Variants in SORCS1 observed in about 807,000 individuals in gnomAD.
The protein encoded by SORCS1 is VPS10 domain-containing receptor SorCS1.
Under a neutral mutation model 146.1 loss-of-function variants are expected in SORCS1, and 60 were observed. The ratio of observed to expected loss-of-function variants is 0.41; its 90% confidence interval spans 0.33 to 0.51. SORCS1 has a LOEUF of 0.51. Among genes scored for constraint, SORCS1 ranks in the 20% least tolerant of loss-of-function variants. SORCS1 has a pLI of 0.21. For missense variants in SORCS1, 1,352 were observed against 1,487.6 expected, an observed-to-expected ratio of 0.91 and a Z score of 1.50; for synonymous variants, 637 against 584.0, an observed-to-expected ratio of 1.09 and a Z score of -1.31.
At chr10:106,718,014 A>G (rs1016602663) in intron 6 of SORCS1, among the ~76,000 whole-genome samples, 1 of 152,178 alleles carries the variant, frequency 6.6e-6, no homozygotes, top group Non-Finnish European at 1.5e-5. Context: ...TATTCAGACT[A>G]TGTTATAGAG....
chr10:106,599,749 A>ATTTCTTTC (rs563990714), intron 23 of SORCS1, among the ~76,000 whole-genome samples: 2 of 151,036 alleles, frequency 1.3e-5, no homozygotes, highest in Non-Finnish European at 3.0e-5. Flanking sequence ...GTGAAGCCAT[A>ATTTCTTTC]TTTCTTTCTT....
Position 106,792,510 on chromosome 10 carries a change from G to A in SORCS1, c.727-15818C>T, listed in dbSNP as rs541975752. On this transcript the variant is annotated intron_variant, in intron 3 of 25. Transcript: ENST00000263054. Reference sequence around the variant, plus strand: ...CTGGAAATTGAAACAAACCTCAAGAGAGTGAAATTAGGCATGGAGAGACAT... The same window carrying A: ...CTGGAAATTGAAACAAACCTCAAGAAAGTGAAATTAGGCATGGAGAGACAT... Among the ~76,000 whole-genome samples, 29 of 152,332 alleles carry A rather than the reference G, an allele frequency of 1.9e-4. 1 individual carries two copies. In the South Asian group the frequency reaches 5.4e-3, roughly 28 times the overall value.
intron 3 of SORCS1, among the ~76,000 whole-genome samples, chr10:106,793,982 G>C (rs975261736): frequency 6.6e-6 from 1 of 152,118 alleles, no homozygotes; most frequent in African/African-American, 2.4e-5. Flanking sequence ...CTGCCACAAA[G>C]GAAACCATCA....
chr10:106,928,374 G>T (rs1249411384), intron 2 of SORCS1, among the ~76,000 whole-genome samples: 1 of 152,212 alleles, frequency 6.6e-6, no homozygotes, highest in Non-Finnish European at 1.5e-5. Flanking sequence ...GCCAGGGGCC[G>T]GCAGGCTGCT....
At chr10:106,983,108 TTATATA>T (rs142010793) in intron 1 of SORCS1, among the ~76,000 whole-genome samples, 2 of 147,318 alleles carry the variant, frequency 1.4e-5, no homozygotes, top group Admixed American at 1.4e-4. Flanking sequence ...TCAGAGGAGG[TTATATA>T]TATATATATT....
intron 1 of SORCS1, among the ~76,000 whole-genome samples, chr10:107,020,370 A>G (rs2133864194): frequency 6.6e-6 from 1 of 152,356 alleles, no homozygotes; most frequent in South Asian, 2.1e-4. Flanking sequence ...GTTATCTGGA[A>G]TATCTGTCCT....
At chr10:106,986,676 ATTCT>A (rs986859579) in intron 1 of SORCS1, among the ~76,000 whole-genome samples, 10 of 141,798 alleles carry the variant, frequency 7.1e-5, no homozygotes, top group African/African-American at 1.5e-4. Context: ...TTTGAGACTT[ATTCT>A]TTCTTTTTCC....
At chr10:106,844,294 G>C (rs1949207864) in intron 2 of SORCS1, among the ~76,000 whole-genome samples, 1 of 151,792 alleles carries the variant, frequency 6.6e-6, no homozygotes, top group African/African-American at 2.4e-5. Flanking sequence ...TTGTTTCTTT[G>C]CTATGCAGAA....
chr10:106,686,749 C>A (rs1217958433), intron 10 of SORCS1, among the ~76,000 whole-genome samples: 5 of 152,192 alleles, frequency 3.3e-5, no homozygotes, highest in Admixed American at 3.3e-4. Context: ...ACAGTGACAA[C>A]TGTGATATCC....
At chr10:107,104,796 CAG>C (rs929637996) in intron 1 of SORCS1, among the ~76,000 whole-genome samples, 17 of 152,172 alleles carry the variant, frequency 1.1e-4, no homozygotes, top group African/African-American at 3.6e-4. Context: ...TTATCTTTTT[CAG>C]AGACACGTGA....
In SORCS1 at chr10:106,767,071, G is replaced by C. The variant is rs552681536; in HGVS notation, c.886-5410C>G. The stretch of plus-strand genomic sequence containing the variant: ...GGGCTACAAAGAGAGCCTGGAACCA[G>C]GCTGGGTAGGTGCAATCTTACCAAT... On this transcript the variant is annotated intron_variant, in intron 4 of 25. Coordinates refer to ENST00000263054, the MANE Select transcript of SORCS1 (RefSeq NM_052918.5). Among the ~76,000 whole-genome samples, 6 of 152,292 alleles carry C rather than the reference G, an allele frequency of 3.9e-5. No individual in the cohort carries two copies. The South Asian group carries it at 1.0e-3, about 26-fold the overall frequency.
At chr10:107,012,441 A>G (rs1957732662) in intron 1 of SORCS1, among the ~76,000 whole-genome samples, 1 of 152,220 alleles carries the variant, frequency 6.6e-6, no homozygotes, top group South Asian at 2.1e-4. Context: ...AGTGTTTGAT[A>G]ATAAATAATA....
intron 1 of SORCS1, among the ~76,000 whole-genome samples, chr10:107,112,737 T>C (rs941127826): frequency 3.9e-5 from 6 of 152,216 alleles, no homozygotes; most frequent in Non-Finnish European, 8.8e-5. Context: ...GTGGCTATAC[T>C]TATATCAGAC....
chr10:107,068,837 T>G (rs1962154500), intron 1 of SORCS1, among the ~76,000 whole-genome samples: 1 of 140,520 alleles, frequency 7.1e-6, no homozygotes, highest in Admixed American at 7.6e-5. Flanking sequence ...GCCACTGCAC[T>G]CCAGCCTGGG....
chr10:106,976,333 G>GTTTTGTTTTGT (rs1554901323), intron 1 of SORCS1, among the ~76,000 whole-genome samples: 60 of 113,802 alleles, frequency 5.3e-4, no homozygotes, highest in African/African-American at 2.3e-3. Context: ...AGGTTTTTTT[G>GTTTTGTTTTGT]TTTTTTTTTT....
chr10:106,970,408 T>C (rs1337159343), intron 1 of SORCS1, among the ~76,000 whole-genome samples: 1 of 140,726 alleles, frequency 7.1e-6, no homozygotes, highest in Non-Finnish European at 1.5e-5. Context: ...GCGTGATCCC[T>C]GCCCACTGCA....
intron 1 of SORCS1, among the ~76,000 whole-genome samples, chr10:107,146,029 A>G (rs1255066443): frequency 6.6e-6 from 1 of 152,204 alleles, no homozygotes; most frequent in Non-Finnish European, 1.5e-5. Flanking sequence ...TTCACAGGGA[A>G]GTAGCTCCAC....
At position 106,573,805 on chromosome 10, in the gene SORCS1, T is replaced by C. The variant is rs1844470415; in HGVS notation, c.*3615A>G. 1 of 152,434 alleles carries C rather than the reference T, an allele frequency of 6.6e-6. No homozygotes were observed. Among genetic ancestry groups the C allele is most frequent in the Non-Finnish European group, 1.5e-5 (1 of 68,026 alleles). The allele number at this position is 152,434 out of a possible 1,614,324, so 9.4% of individuals were successfully genotyped here. On this transcript the variant is annotated 3_prime_UTR_variant, in exon 26 of 26. Coordinates refer to ENST00000263054, the MANE Select transcript of SORCS1 (RefSeq NM_052918.5). ...AGCCTGTGGTGTTTACTCTTTCTTATGCAATTAGCCTTTATGAAATCCTAT... is the reference window on the plus strand; with the variant it reads ...AGCCTGTGGTGTTTACTCTTTCTTACGCAATTAGCCTTTATGAAATCCTAT...
At chr10:106,910,896 T>G (rs1952119517) in intron 2 of SORCS1, among the ~76,000 whole-genome samples, 1 of 152,248 alleles carries the variant, frequency 6.6e-6, no homozygotes, top group South Asian at 2.1e-4. Flanking sequence ...CATTGCTTAA[T>G]GTGCATAAGT....
Sources: allele counts gnomAD v4.1 joint callset (sites outside exome capture counted in the v4.1 genomes callset), GRCh38; gene constraint gnomAD v4.1.1; transcripts MANE v1.5; gene names NCBI Gene and HGNC (gene_info 2026-07-23, HGNC 2026-07-21).